EIPR1: variants seen among roughly 807,000 people sequenced by gnomAD.
EIPR1 encodes the protein EARP complex and GARP complex interacting protein 1, also known as EARP and GARP complex-interacting protein 1.
Under a neutral mutation model 48.1 loss-of-function variants are expected in EIPR1, and 25 were observed. That is an observed-to-expected ratio of 0.52 (90% confidence interval 0.38 to 0.73). The LOEUF is 0.73. EIPR1 is among the 30% of genes least tolerant of loss of function. The probability of loss-of-function intolerance (pLI) is 0.00; values close to 1 mark genes in which losing one functional copy is unlikely to be tolerated. For synonymous variants in EIPR1, 204 were observed against 201.9 expected, an observed-to-expected ratio of 1.01 and a Z score of -0.09; for missense variants, 415 against 506.2, an observed-to-expected ratio of 0.82 and a Z score of 1.73.
chr2:3,272,858 C>A (rs1243265481), intron 3 of EIPR1, among the ~76,000 whole-genome samples: 1 of 152,140 alleles, frequency 6.6e-6, no homozygotes, highest in Non-Finnish European at 1.5e-5. Flanking sequence ...CTGAGAAGCA[C>A]AATAAAGCCC....
rs977758783 is a variant in EIPR1 at position 3,257,303 on chromosome 2, C to G, written c.412G>C (p.Ala138Pro). 1 of 1,612,868 alleles carries G rather than the reference C, an allele frequency of 6.2e-7. No homozygotes were observed. The highest frequency in any genetic ancestry group is 1.7e-5 in the Admixed American group (1 of 59,948). Residue 138 changes from alanine (A) to proline (P), a missense_variant, in exon 4 of 9, where the codon GCC becomes CCC. Ala to Pro is a conservative substitution (Grantham distance 27). Coordinates refer to ENST00000382125, the MANE Select transcript of EIPR1 (RefSeq NM_003310.5). ...HLDNTAHGNM[A>P]CVVWEPMGDG... Reference sequence around the variant, plus strand: ...ATGAAATATGCAAAATCCTACCAGGCCATGTTGCCATGGGCTGTGTTGTCA... The same window carrying G: ...ATGAAATATGCAAAATCCTACCAGGGCATGTTGCCATGGGCTGTGTTGTCA...
At chr2:3,334,190 G>A (rs1669978516) in intron 3 of EIPR1, among the ~76,000 whole-genome samples, 1 of 152,204 alleles carries the variant, frequency 6.6e-6, no homozygotes, top group Non-Finnish European at 1.5e-5. Flanking sequence ...CCAGGCACCG[G>A]CAGGGTAAAA....
At chr2:3,252,609 A>C (rs571669327) in intron 4 of EIPR1, among the ~76,000 whole-genome samples, 2 of 152,202 alleles carry the variant, frequency 1.3e-5, no homozygotes, top group African/African-American at 4.8e-5. Flanking sequence ...AAACAAAAAC[A>C]AAAAATTGGG....
At chr2:3,321,419 A>C (rs1356674108) in intron 3 of EIPR1, among the ~76,000 whole-genome samples, 1 of 152,180 alleles carries the variant, frequency 6.6e-6, no homozygotes. Flanking sequence ...GTCTTTAAGC[A>C]GGCACTTGAC....
chr2:3,205,069 A>G lies in EIPR1; in HGVS notation c.517-8052T>C, dbSNP rs73909790. Among the ~76,000 whole-genome samples the G allele has an allele frequency of 2.9e-3, 438 of 152,314 alleles. 2 individuals carry two copies. Among genetic ancestry groups the G allele is most frequent in the African/African-American group, 0.01 (426 of 41,568 alleles). ...TTGGACAGAGAACAGCAGGGTGAAG[A>G]AACAGCAAGGCTGTGGTGTCTAGGG... On this transcript the variant is annotated intron_variant, in intron 5 of 8. Transcript: ENST00000382125.
intron 5 of EIPR1, among the ~76,000 whole-genome samples, chr2:3,205,915 C>T (rs370063811): frequency 1.7e-4 from 26 of 152,342 alleles, no homozygotes; most frequent in African/African-American, 5.5e-4. Flanking sequence ...ACGTGGCAGG[C>T]ATCTTAAACA....
intron 3 of EIPR1, among the ~76,000 whole-genome samples, chr2:3,310,436 A>T (rs13402083): frequency 7.0e-6 from 1 of 143,528 alleles, no homozygotes; most frequent in East Asian, 2.2e-4. Flanking sequence ...GGCGGATCAC[A>T]AGGTCAGGAG....
chr2:3,317,493 G>C (rs924549734), intron 3 of EIPR1, among the ~76,000 whole-genome samples: 1 of 152,236 alleles, frequency 6.6e-6, no homozygotes, highest in African/African-American at 2.4e-5. Context: ...ATGCGGGGTG[G>C]AGCACGGAGT....
At chr2:3,270,531 C>G (rs59197912) in intron 3 of EIPR1, among the ~76,000 whole-genome samples, 7 of 152,194 alleles carry the variant, frequency 4.6e-5, no homozygotes, top group Non-Finnish European at 8.8e-5. Flanking sequence ...ACCACAATAA[C>G]ATTAATATTG....
chr2:3,364,242 C>T (rs373519564), intron 1 of EIPR1, among the ~76,000 whole-genome samples: 10 of 152,072 alleles, frequency 6.6e-5, no homozygotes, highest in African/African-American at 2.2e-4. Context: ...TTCACAATAG[C>T]CAAGACATGG....
chr2:3,256,474 G>C (rs953088028), intron 4 of EIPR1, among the ~76,000 whole-genome samples: 5 of 152,100 alleles, frequency 3.3e-5, no homozygotes, highest in African/African-American at 1.2e-4. Context: ...AGCCTGGCAG[G>C]GTTTCTGTAG....
At chr2:3,283,039 T>C (rs1357462186) in intron 3 of EIPR1, among the ~76,000 whole-genome samples, 2 of 152,230 alleles carry the variant, frequency 1.3e-5, no homozygotes, top group Admixed American at 6.5e-5. Context: ...ATTTTGCTTA[T>C]TTATTCCATT....
intron 2 of EIPR1, among the ~76,000 whole-genome samples, chr2:3,346,609 A>G (rs1467289674): frequency 6.6e-6 from 1 of 152,220 alleles, no homozygotes; most frequent in East Asian, 1.9e-4. Flanking sequence ...ATAAATACAC[A>G]ATAGAAGTAA....
At chr2:3,208,616 G>C in intron 5 of EIPR1, 3 of 1,550,626 alleles carry the variant, frequency 1.9e-6, no homozygotes, top group Non-Finnish European at 2.6e-6. Context: ...TCTGTTGAAT[G>C]AATTTGGCCA....
chr2:3,328,264 T>TG (rs935951654), intron 3 of EIPR1, among the ~76,000 whole-genome samples: 2 of 152,154 alleles, frequency 1.3e-5, no homozygotes, highest in African/African-American at 4.8e-5. Context: ...CATTTCCACC[T>TG]GGGGGGTGCC....
intron 3 of EIPR1, among the ~76,000 whole-genome samples, chr2:3,329,089 A>G (rs1471318322): frequency 1.6e-5 from 2 of 124,808 alleles, no homozygotes; most frequent in Non-Finnish European, 3.4e-5. Context: ...GGCTCCCCTG[A>G]ATCAGAGCCC....
intron 5 of EIPR1, among the ~76,000 whole-genome samples, chr2:3,210,417 G>A (rs1361706720): frequency 6.6e-6 from 1 of 152,090 alleles, no homozygotes; most frequent in Non-Finnish European, 1.5e-5. Flanking sequence ...AGTGAGGCCT[G>A]TCCTAGTCTG....
intron 4 of EIPR1, among the ~76,000 whole-genome samples, chr2:3,247,641 G>A (rs981317445): frequency 2.0e-5 from 3 of 152,140 alleles, no homozygotes; most frequent in African/African-American, 7.2e-5. Context: ...TAGAGGATGT[G>A]GTGGGTCCAC....
intron 4 of EIPR1, among the ~76,000 whole-genome samples, chr2:3,215,776 A>T (rs1027923772): frequency 3.3e-5 from 5 of 152,220 alleles, no homozygotes; most frequent in African/African-American, 9.6e-5. Context: ...AAGACTGTCT[A>T]TGGAGCTATT....
Sources: allele counts gnomAD v4.1 joint callset (sites outside exome capture counted in the v4.1 genomes callset), GRCh38; gene constraint gnomAD v4.1.1; transcripts MANE v1.5; gene names NCBI Gene and HGNC (gene_info 2026-07-23, HGNC 2026-07-21).